Variants in KCTD10 observed in about 807,000 individuals in gnomAD.
KCTD10 encodes the protein potassium channel tetramerization domain containing 10.
KCTD10 carries 13 observed loss-of-function variants against 34.6 expected under a neutral mutation model. The observed-to-expected ratio is 0.38, with a 90% CI of 0.24 to 0.60. KCTD10 has a LOEUF of 0.60. Among genes scored for constraint, KCTD10 ranks in the 20% least tolerant of loss-of-function variants. KCTD10 has a pLI of 0.66. For synonymous variants in KCTD10, 156 were observed against 168.8 expected (o/e 0.92, Z 0.59); for missense variants, 256 against 420.3 (o/e 0.61, Z 3.42).
rs1251237859 is a variant in KCTD10, at chr12:109,451,664, C to T, written c.873G>A (p.Arg291=). ...RSHHLDEDEE[R]ERIERVRRIH... The stretch of plus-strand genomic sequence containing the variant: ...TCCTCCGCACGCGCTCGATCCGCTC[C>T]CGCTCCTCGTCCTCGTCCAGGTGGT... Residue 291 remains arginine (R), a synonymous_variant, in exon 7 of 7, where the codon CGG becomes CGA. Transcript: ENST00000228495. The surrounding 1 kb of genome is among the most constrained non-coding windows in gnomAD (Gnocchi z 5.0). The T allele has an allele frequency of 2.1e-5, 34 of 1,613,512 alleles. No homozygotes were observed. The highest frequency in any genetic ancestry group is 2.9e-5 in the Non-Finnish European group (34 of 1,179,894).
rs1368606309 is a variant in KCTD10 at position 109,451,012 on chromosome 12, TATC to T, written c.*580_*582del. 6.6e-6 allele frequency: 1 copy of T among 152,580 alleles called. No individual in the cohort carries two copies. Among genetic ancestry groups the T allele is most frequent in the African/African-American group, 2.4e-5 (1 of 41,450 alleles). The allele number at this position is 152,580 out of a possible 1,614,324, so 9.5% of individuals were successfully genotyped here. ...TATTTCCACTGCCACAAGCTGCAATTATCAACAAGCTCTAGGCCCAAAGCCACA... is the reference window on the plus strand; with the variant it reads ...TATTTCCACTGCCACAAGCTGCAATTAACAAGCTCTAGGCCCAAAGCCACA... On this transcript the variant is annotated 3_prime_UTR_variant, in exon 7 of 7. Transcript: ENST00000228495. This position sits in a 1 kb window ranked among gnomAD's most constrained non-coding sequence, Gnocchi z 5.0.
At position 109,460,998 on chromosome 12, in the gene KCTD10, T is replaced by C. The variant is rs1300612134; in HGVS notation, c.218-193A>G. Among the ~76,000 whole-genome samples the C allele has an allele frequency of 6.6e-6, 1 of 152,176 alleles. No homozygotes were observed. The highest frequency in any genetic ancestry group is 2.4e-5 in the African/African-American group (1 of 41,444). ...CCCACAGCCTCCAGGCCCTACTGGC[T>C]GGACACAACCATAACCCCAGGTGAC... On this transcript the variant is annotated intron_variant, in intron 2 of 6. Coordinates refer to ENST00000228495, the MANE Select transcript of KCTD10 (RefSeq NM_031954.5). The surrounding 1 kb of genome is among the most constrained non-coding windows in gnomAD (Gnocchi z 4.5).
At chr12:109,455,407 A>T (rs1404307826) in intron 6 of KCTD10, 2 of 151,070 alleles carry the variant, frequency 1.3e-5, no homozygotes, top group Non-Finnish European at 3.0e-5. Flanking sequence ...AAAAAAAAAG[A>T]CTCTGGTTTC....
In KCTD10 at chr12:109,466,964, A is replaced by G. The variant is rs67668740; in HGVS notation, c.217+2551T>C. 8.8e-3 allele frequency among the ~76,000 whole-genome samples: 1,343 copies of G among 152,370 alleles called. 9 individuals carry two copies. Among genetic ancestry groups the G allele is most frequent in the Non-Finnish European group, 0.015 (1,030 of 68,030 alleles). On this transcript the variant is annotated intron_variant, in intron 2 of 6. Coordinates refer to ENST00000228495, the MANE Select transcript of KCTD10 (RefSeq NM_031954.5). ...CAACATGCAGGCCATGGGTCAGGCT[A>G]TGCAGTGCTCTCTCCAAGGACCGAC...
intron 1 of KCTD10, among the ~76,000 whole-genome samples, chr12:109,476,805 G>T (rs1874338309): frequency 6.6e-6 from 1 of 151,908 alleles, no homozygotes; most frequent in Admixed American, 6.6e-5. Flanking sequence ...CAAACGCTCC[G>T]CCCCAAGGAA....
chr12:109,457,815 G>T (rs1348705825), intron 4 of KCTD10, 133 bp from the exon 5 acceptor site: 3 of 1,099,540 alleles, frequency 2.7e-6, no homozygotes, highest in Non-Finnish European at 2.8e-6. Context: ...TGGCTGGAGA[G>T]GGGGACCACA....
In KCTD10 at chr12:109,469,618, C is replaced by T; in HGVS notation, c.114G>A (p.Val38=). 1 of 1,614,232 alleles carries T rather than the reference C, an allele frequency of 6.2e-7. No homozygotes were observed. The highest frequency in any genetic ancestry group is 8.5e-7 in the Non-Finnish European group (1 of 1,180,048). ...SPSSKYVKLN[V]GGALYYTTMQ... ...TGGTGGTATAGTAGAGGGCTCCACCCACATTCAGCTTCACGTATTTGGAGC... is the reference window on the plus strand; with the variant it reads ...TGGTGGTATAGTAGAGGGCTCCACCTACATTCAGCTTCACGTATTTGGAGC... The change falls in exon 2 of 7, where the codon GTG becomes GTA. Residue 38 remains valine, a synonymous_variant. Transcript: ENST00000228495.
intron 2 of KCTD10, among the ~76,000 whole-genome samples, chr12:109,466,568 G>A (rs1873598526): frequency 6.9e-6 from 1 of 144,690 alleles, no homozygotes; most frequent in Non-Finnish European, 1.5e-5. Flanking sequence ...ACCCAGGCCT[G>A]GCTAACATCA....
At chr12:109,466,599 T>C (rs1873602506) in intron 2 of KCTD10, among the ~76,000 whole-genome samples, 1 of 151,986 alleles carries the variant, frequency 6.6e-6, no homozygotes. Flanking sequence ...TCTTCTTGGT[T>C]TAGGAGTTAC....
chr12:109,474,639 A>G (rs535207100), intron 1 of KCTD10, among the ~76,000 whole-genome samples: 1 of 152,296 alleles, frequency 6.6e-6, no homozygotes, highest in Admixed American at 6.5e-5. Flanking sequence ...TTAAGCTACC[A>G]TTAACTCCAC....
At chr12:109,468,796 GCACC>G (rs1873726229) in intron 2 of KCTD10, among the ~76,000 whole-genome samples, 1 of 151,938 alleles carries the variant, frequency 6.6e-6, no homozygotes, top group Non-Finnish European at 1.5e-5. Flanking sequence ...GGGACTACAG[GCACC>G]CACCACCACG....
Position 109,450,940 on chromosome 12 carries a change from C to A in KCTD10, c.*655G>T, listed in dbSNP as rs1489497184. ...GGCTTGATCCCTAAACAAAGCCTTG[C>A]ACCCAAAGTTGCACTGGTCTCAACG... On this transcript the variant is annotated 3_prime_UTR_variant, in exon 7 of 7. Transcript: ENST00000228495. 6.6e-6 allele frequency: 1 copy of A among 152,610 alleles called. No individual in the cohort carries two copies. Among genetic ancestry groups the A allele is most frequent in the African/African-American group, 2.4e-5 (1 of 41,476 alleles). 9.5% of individuals were successfully genotyped at this position (152,610 alleles called of 1,614,324 possible).
At chr12:109,476,196 C>CA (rs1874238145) in intron 1 of KCTD10, among the ~76,000 whole-genome samples, 1 of 152,168 alleles carries the variant, frequency 6.6e-6, no homozygotes, top group East Asian at 1.9e-4. Context: ...AATAAGTTAC[C>CA]AGGTGTTGCT....
chr12:109,451,543 C>CA lies in KCTD10; in HGVS notation c.*51dup. 1.3e-6 allele frequency: 2 copies of CA among 1,533,112 alleles called. No individual in the cohort carries two copies. Among genetic ancestry groups the CA allele is most frequent in the Non-Finnish European group, 8.9e-7 (1 of 1,128,126 alleles). The allele number at this position is 1,533,112 out of a possible 1,614,324, so 95.0% of individuals were successfully genotyped here. On this transcript the variant is annotated 3_prime_UTR_variant, in exon 7 of 7. Transcript: ENST00000228495. This position sits in a 1 kb window ranked among gnomAD's most constrained non-coding sequence, Gnocchi z 5.0. ...CAGCCTGCACAGGATCTGGGTGTAG[C>CA]ACGGCAGGGAGTGGGGGCGGTGAGA... is the stretch of plus-strand genomic sequence containing the variant.
Position 109,456,117 on chromosome 12 carries a change from C to G in KCTD10, c.723+1G>C. On this transcript the variant is annotated splice_donor_variant, in intron 6 of 6. Coordinates refer to ENST00000228495, the MANE Select transcript of KCTD10 (RefSeq NM_031954.5). LOFTEE classifies it high-confidence loss of function. ...CCAAACTGTCCTCTCGAGGCTCTTACCTTGGTCTGTTTCTTCTCAGTGGCA... is the reference window on the plus strand; with the variant it reads ...CCAAACTGTCCTCTCGAGGCTCTTAGCTTGGTCTGTTTCTTCTCAGTGGCA... The G allele has an allele frequency of 6.2e-7, 1 of 1,614,124 alleles. No individual in the cohort carries two copies. The highest frequency in any genetic ancestry group is 1.1e-5 in the South Asian group (1 of 91,064).
intron 2 of KCTD10, among the ~76,000 whole-genome samples, chr12:109,463,327 G>A (rs1037224714): frequency 3.9e-5 from 6 of 152,138 alleles, no homozygotes; most frequent in African/African-American, 7.2e-5. Flanking sequence ...TGCTTGTGGC[G>A]AAAGAATCAT....
rs1166838154 is a variant in KCTD10 at position 109,451,752 on chromosome 12, T to C, written c.785A>G (p.Gln262Arg). Residue 262 changes from glutamine to arginine, a missense_variant, in exon 7 of 7, where the codon CAG (glutamine) becomes CGG (arginine). By Grantham distance (43) the Gln-to-Arg change is conservative (BLOSUM62 1). Transcript: ENST00000228495. This position sits in a 1 kb window ranked among gnomAD's most constrained non-coding sequence, Gnocchi z 5.0. ...CGCATTGTCAGGTCCCCGGCCATCCTGGGCCTCATACAGCAAAATGTTCAG... is the reference window on the plus strand; with the variant it reads ...CGCATTGTCAGGTCCCCGGCCATCCCGGGCCTCATACAGCAAAATGTTCAG... ...ETLNILLYEA[Q>R]DGRGPDNALL... The C allele has an allele frequency of 6.2e-7, 1 of 1,614,178 alleles. No homozygotes were observed. Among genetic ancestry groups the C allele is most frequent in the Non-Finnish European group, 8.5e-7 (1 of 1,180,008 alleles).
chr12:109,464,343 C>T (rs1281478807), intron 2 of KCTD10, among the ~76,000 whole-genome samples: 1 of 152,152 alleles, frequency 6.6e-6, no homozygotes, highest in Non-Finnish European at 1.5e-5. Flanking sequence ...GAGGCTGCCC[C>T]GCACATTGTA....
intron 2 of KCTD10, chr12:109,469,090 G>A (rs569429318): frequency 8.1e-5 from 17 of 210,364 alleles, no homozygotes; most frequent in Middle Eastern, 1.8e-3. Flanking sequence ...ATGGCCCCAC[G>A]GGGGAGGGTA....
Sources: allele counts gnomAD v4.1 joint callset (sites outside exome capture counted in the v4.1 genomes callset), GRCh38; gene constraint gnomAD v4.1.1; non-coding constraint Gnocchi (gnomAD v3.1); transcripts MANE v1.5; gene names NCBI Gene and HGNC (gene_info 2026-07-23, HGNC 2026-07-21).